BMP7: variants seen among roughly 807,000 people sequenced by gnomAD.
BMP7 encodes the protein bone morphogenetic protein 7.
A neutral mutation model predicts 41.2 loss-of-function variants in BMP7; 12 were observed. That is an observed-to-expected ratio of 0.29 (90% CI 0.19 to 0.47). The LOEUF is 0.47. BMP7 is among the 20% of genes least tolerant of loss of function. BMP7 has a pLI of 0.99. For synonymous variants in BMP7, 248 were observed against 250.0 expected (o/e 0.99, Z 0.07); for missense variants, 467 against 606.0 (o/e 0.77, Z 2.41).
At chr20:57,192,013 TTA>T (rs1191939481) in intron 3 of BMP7, among the ~76,000 whole-genome samples, 8 of 125,552 alleles carry the variant, frequency 6.4e-5, no homozygotes, top group African/African-American at 1.6e-4. Context: ...GTAATATATA[TTA>T]TATATAATAT....
intron 3 of BMP7, among the ~76,000 whole-genome samples, chr20:57,189,953 G>A (rs1984311226): frequency 6.6e-6 from 1 of 152,214 alleles, no homozygotes; most frequent in Admixed American, 6.5e-5. Context: ...ACATGACAGT[G>A]GGGCACAGTG....
In BMP7 at chr20:57,228,379, C is replaced by T. The variant is rs535214572; in HGVS notation, c.461G>A (p.Arg154Gln). ...CTTGGAAAGATCAAACCGGAACTCT[C>T]GATGGTGGTAGCGTGGGTGGAAGAA... Reference protein sequence around the residue: ...KEFFHPRYHHREFRFDLSKIP... With the variant: ...KEFFHPRYHHQEFRFDLSKIP... The change falls in exon 2 of 7, where the codon CGA becomes CAA. Residue 154 changes from arginine (R) to glutamine (Q), a missense_variant. Physicochemically the swap from Arg to Gln is conservative, Grantham distance 43. Around this residue, in one of 2 missense-constraint regions of BMP7, gnomAD observed 407 missense variants for 485.9 expected, o/e 0.84. Transcript: ENST00000395863. The surrounding 1 kb of genome is among the most constrained non-coding windows in gnomAD (Gnocchi z 4.5). 1.4e-5 allele frequency: 23 copies of T among 1,614,184 alleles called. No homozygotes were observed. Among genetic ancestry groups the T allele is most frequent in the Middle Eastern group, 1.6e-4 (1 of 6,062 alleles).
At chr20:57,241,576 C>T (rs1600640159) in intron 1 of BMP7, among the ~76,000 whole-genome samples, 3 of 152,202 alleles carry the variant, frequency 2.0e-5, no homozygotes, top group Non-Finnish European at 4.4e-5. Flanking sequence ...CCAGCAATAC[C>T]ACCTGGAGTC....
chr20:57,262,843 A>G (rs1241771674), intron 1 of BMP7, among the ~76,000 whole-genome samples: 1 of 152,248 alleles, frequency 6.6e-6, no homozygotes, highest in African/African-American at 2.4e-5. Context: ...TTCGAATACT[A>G]CAGATCAACA....
In BMP7 at chr20:57,213,014, G is replaced by A. The variant is rs117556870; in HGVS notation, c.612-10391C>T. On this transcript the variant is annotated intron_variant, in intron 2 of 6. Transcript: ENST00000395863. The surrounding 1 kb of genome is among the most constrained non-coding windows in gnomAD (Gnocchi z 4.4). Reference sequence around the variant, plus strand: ...TTTAAAAATACACTTTCTTGAAGACGGTGCATATCCAGGAAGGCTAAAATT... The same window carrying A: ...TTTAAAAATACACTTTCTTGAAGACAGTGCATATCCAGGAAGGCTAAAATT... Among the ~76,000 whole-genome samples, 60 of 152,350 alleles carry A rather than the reference G, an allele frequency of 3.9e-4. No homozygotes were observed. In the East Asian group the frequency reaches 0.011, roughly 27 times the overall value.
At chr20:57,182,462 C>A (rs1029118972) in intron 4 of BMP7, among the ~76,000 whole-genome samples, 1 of 152,268 alleles carries the variant, frequency 6.6e-6, no homozygotes, top group Non-Finnish European at 1.5e-5. Flanking sequence ...CCTGTGGGGG[C>A]TCCACGAATG....
chr20:57,209,249 TTATATATATA>T (rs57062226), intron 2 of BMP7, among the ~76,000 whole-genome samples: 3,742 of 94,836 alleles, frequency 0.039, 215 homozygotes, highest in African/African-American at 0.12. Context: ...TTATATATTT[TTATATATATA>T]TATATATATA....
rs186576826 is a variant in BMP7 at position 57,215,885 on chromosome 20, C to G, written c.611+12344G>C. 7.0e-6 allele frequency: 1 copy of G among 141,956 alleles called. No individual in the cohort carries two copies. The highest frequency in any genetic ancestry group is 1.9e-4 in the East Asian group (1 of 5,162). 8.8% of individuals were successfully genotyped at this position (141,956 alleles called of 1,614,324 possible). A position where few individuals can be genotyped will look rare whatever the true frequency, so the allele number is the denominator to read the frequency against. ...AAATACAGTCTTCGGGCTGGGTCAT[C>G]TTTCCAACCTCATTTTTTTTTTTTT... is the stretch of plus-strand genomic sequence containing the variant. On this transcript the variant is annotated intron_variant, in intron 2 of 6. Transcript: ENST00000395863. The surrounding 1 kb of genome is among the most constrained non-coding windows in gnomAD (Gnocchi z 4.2).
At chr20:57,253,011 G>A (rs930313954) in intron 1 of BMP7, among the ~76,000 whole-genome samples, 4 of 152,180 alleles carry the variant, frequency 2.6e-5, no homozygotes, top group African/African-American at 9.7e-5. Context: ...TAGTGCCCAG[G>A]CTGAGAAACT....
rs1983843667 is a variant in BMP7 at position 57,172,955 on chromosome 20, T to C, written c.1146+245A>G. 9.9e-6 allele frequency: 6 copies of C among 608,424 alleles called. No individual in the cohort carries two copies. In the Admixed American group the frequency reaches 1.4e-4, roughly 14 times the overall value. 37.7% of individuals were successfully genotyped at this position (608,424 alleles called of 1,614,324 possible). ...TCCTCAAAGGAGCCCATACAACTTT[T>C]AGTTACTTTAAAAATTAGGAGAAAT... On this transcript the variant is annotated intron_variant, in intron 6 of 6. Coordinates refer to ENST00000395863, the MANE Select transcript of BMP7 (RefSeq NM_001719.3).
At chr20:57,206,033 A>G (rs1356773979) in intron 2 of BMP7, among the ~76,000 whole-genome samples, 2 of 152,224 alleles carry the variant, frequency 1.3e-5, no homozygotes, top group Non-Finnish European at 2.9e-5. Context: ...AGGACAAGGA[A>G]GGAATTACTC....
intron 2 of BMP7, among the ~76,000 whole-genome samples, chr20:57,205,988 CTG>C (rs1984720550): frequency 1.3e-5 from 2 of 152,118 alleles, no homozygotes; most frequent in South Asian, 4.1e-4. Flanking sequence ...TGCTTTCAGA[CTG>C]AGAGCCCAGG....
chr20:57,254,104 C>A (rs2066124847), intron 1 of BMP7, among the ~76,000 whole-genome samples: 1 of 140,560 alleles, frequency 7.1e-6, no homozygotes, highest in African/African-American at 2.7e-5. Context: ...CTTACTGCAA[C>A]CTCTGCCTCC....
chr20:57,193,473 C>T (rs921292147), intron 3 of BMP7, among the ~76,000 whole-genome samples: 5 of 152,152 alleles, frequency 3.3e-5, no homozygotes, highest in South Asian at 2.1e-4. Context: ...CACATGGCTC[C>T]GACCGCCGGC....
intron 2 of BMP7, among the ~76,000 whole-genome samples, chr20:57,206,117 C>T (rs1984724998): frequency 6.6e-6 from 1 of 152,214 alleles, no homozygotes; most frequent in South Asian, 2.1e-4. Context: ...TAAAAGAACA[C>T]TGGTTCTTAC....
At chr20:57,262,728 C>G (rs548964303) in intron 1 of BMP7, among the ~76,000 whole-genome samples, 1 of 152,250 alleles carries the variant, frequency 6.6e-6, no homozygotes, top group East Asian at 1.9e-4. Flanking sequence ...ACCCATGCCC[C>G]CCCCGCCAAA....
chr20:57,253,182 C>T (rs1027596361), intron 1 of BMP7, among the ~76,000 whole-genome samples: 3 of 152,150 alleles, frequency 2.0e-5, no homozygotes, highest in African/African-American at 7.2e-5. Flanking sequence ...TTATTGTTTC[C>T]TCCTAAAGGA....
At chr20:57,197,560 G>A (rs1984522373) in intron 3 of BMP7, among the ~76,000 whole-genome samples, 1 of 152,190 alleles carries the variant, frequency 6.6e-6, no homozygotes, top group Admixed American at 6.5e-5. Flanking sequence ...ACACCTGGGA[G>A]TCATGAGAAA....
chr20:57,215,591 A>G lies in BMP7; in HGVS notation c.611+12638T>C, dbSNP rs1984994164. On this transcript the variant is annotated intron_variant, in intron 2 of 6. Transcript: ENST00000395863. This position sits in a 1 kb window ranked among gnomAD's most constrained non-coding sequence, Gnocchi z 4.2. The stretch of plus-strand genomic sequence containing the variant: ...AACACACCAAGAACTCTGGTGAAAC[A>G]TCAAGAACTCTGGGGGGTCCCCCCA... The G allele has an allele frequency of 6.6e-6, 1 of 152,116 alleles. No individual in the cohort carries two copies. The allele number at this position is 152,116 out of a possible 1,614,324, so 9.4% of individuals were successfully genotyped here.
Sources: gnomAD v4.1 joint callset for allele counts (sites outside exome capture counted in the v4.1 genomes callset) on GRCh38, gnomAD v4.1.1 for gene constraint, gnomAD v4.1.1 regional missense constraint, Gnocchi (gnomAD v3.1) non-coding constraint, MANE v1.5 for transcripts, NCBI Gene and HGNC (gene_info 2026-07-23, HGNC 2026-07-21) for gene names.